Variants in OR11A1 observed in about 807,000 individuals in gnomAD.
OR11A1 encodes the protein olfactory receptor family 11 subfamily A member 1, also known as olfactory receptor 11A1.
For missense variants in OR11A1, 380 were observed against 378.2 expected, an observed-to-expected ratio of 1.00 and a Z score of -0.04; for synonymous variants, 158 against 152.2, an observed-to-expected ratio of 1.04 and a Z score of -0.28.
chr6:29,428,391 T>A (rs182671980), intron 4 of OR11A1: 1 of 984,746 alleles, frequency 1.0e-6, no homozygotes, highest in East Asian at 1.1e-4. Flanking sequence ...GGGCAGAAGG[T>A]GTGGGATCAA....
intron 2 of OR11A1, among the ~76,000 whole-genome samples, 162 bp downstream of exon 2, chr6:29,431,702 C>T (rs920126298): frequency 5.3e-5 from 8 of 152,072 alleles, no homozygotes; most frequent in Non-Finnish European, 8.8e-5. Flanking sequence ...AGAAATACTG[C>T]GGGACTTCTT....
rs116561506 is a variant in OR11A1 at position 29,443,065 on chromosome 6, T to C, written c.-388-11078A>G. Among the ~76,000 whole-genome samples the C allele has an allele frequency of 8.0e-3, 1,217 of 152,362 alleles. 14 individuals are homozygous for C. The highest frequency in any genetic ancestry group is 0.025 in the East Asian group (130 of 5,188). On this transcript the variant is annotated intron_variant, in intron 1 of 4. Coordinates refer to ENST00000377149, the MANE Select transcript of OR11A1 (RefSeq NM_001394828.1). ...GATCATTTTTCTCATATCTCAGTGA[T>C]AGGAATCACTGTATTTTTCCTGTCA...
chr6:29,449,668 G>A (rs1017679888), intron 1 of OR11A1, among the ~76,000 whole-genome samples: 11 of 151,812 alleles, frequency 7.2e-5, no homozygotes, highest in Middle Eastern at 3.2e-3. Context: ...ATGGAGTCTC[G>A]CTCTGACTCC....
chr6:29,440,642 C>T (rs1784073159), intron 1 of OR11A1: 3 of 1,614,154 alleles, frequency 1.9e-6, no homozygotes, highest in Non-Finnish European at 2.5e-6. Flanking sequence ...TCCTCTGCCC[C>T]TTTGGCCTCA....
chr6:29,426,888 A>G lies in OR11A1; in HGVS notation c.754T>C (p.Phe252Leu), dbSNP rs753263709. ...TAAAAGATCATGAGCGTTCCATAGA[A>G]TGTGGTCACTACAGCTAGGTGGGAG... is the stretch of plus-strand genomic sequence containing the variant. The part of the protein sequence containing the change: ...CSSHLAVVTT[F>L]YGTLMIFYVA... Residue 252 changes from phenylalanine to leucine, a missense_variant, in exon 5 of 5, where the codon TTC becomes CTC. Physicochemically the swap from Phe to Leu is conservative, Grantham distance 22 (BLOSUM62 0). Transcript: ENST00000377149. 1.2e-6 allele frequency: 2 copies of G among 1,613,060 alleles called. No homozygotes were observed. Among genetic ancestry groups the G allele is most frequent in the South Asian group, 2.2e-5 (2 of 91,082 alleles).
intron 1 of OR11A1, among the ~76,000 whole-genome samples, chr6:29,436,964 T>G (rs573337331): frequency 3.9e-4 from 59 of 152,350 alleles, no homozygotes; most frequent in African/African-American, 1.4e-3. Context: ...AGCGGCTGCT[T>G]TCGAAAAGCG....
chr6:29,441,427 G>A (rs1398404361), intron 1 of OR11A1, among the ~76,000 whole-genome samples: 1 of 152,084 alleles, frequency 6.6e-6, no homozygotes, highest in African/African-American at 2.4e-5. Flanking sequence ...AAGAAGTAAG[G>A]AGTGGCCACA....
Position 29,426,840 on chromosome 6 carries a change from A to T in OR11A1, c.802T>A (p.Ser268Thr). 1 of 1,613,144 alleles carries T rather than the reference A, an allele frequency of 6.2e-7. No individual in the cohort carries two copies. The highest frequency in any genetic ancestry group is 8.5e-7 in the Non-Finnish European group (1 of 1,180,030). ...IFYVAPSAVH[S>T]QLLSKVFSLL... is the part of the protein sequence containing the mutation. ...GAGAAGACCTTGGAGAGGAGCTGGG[A>T]ATGGACAGCAGAGGGTGCAACATAA... The change falls in exon 5 of 5, where the codon TCC (serine) becomes ACC (threonine). Residue 268 changes from serine to threonine, a missense_variant. Transcript: ENST00000377149.
At position 29,431,873 on chromosome 6, in the gene OR11A1, C is replaced by A; in HGVS notation, c.-274G>T. ...ACAAAAATAAACGTACCCGAAATAT[C>A]GACCCTGTTCTCTAAAGACAGGACT... On this transcript the variant is annotated 5_prime_UTR_variant, in exon 2 of 5. Coordinates refer to ENST00000377149, the MANE Select transcript of OR11A1 (RefSeq NM_001394828.1). The A allele has an allele frequency of 1.0e-6, 1 of 985,346 alleles. No homozygotes were observed. The highest frequency in any genetic ancestry group is 4.7e-5 in the South Asian group (1 of 21,266). The allele number at this position is 985,346 out of a possible 1,614,324, so 61.0% of individuals were successfully genotyped here.
rs1374411804 is a variant in OR11A1 at position 29,448,435 on chromosome 6, G to A, written c.-389+8552C>T. ...CTCCAGTTCCTCTTGGATAATTCTG[G>A]TGTCCATGAATTATTATGTTGCCAC... On this transcript the variant is annotated intron_variant, in intron 1 of 4. Coordinates refer to ENST00000377149, the MANE Select transcript of OR11A1 (RefSeq NM_001394828.1). 1.3e-5 allele frequency among the ~76,000 whole-genome samples: 2 copies of A among 152,146 alleles called. 1 individual carries two copies. The highest frequency in any genetic ancestry group is 4.1e-4 in the South Asian group (2 of 4,828).
intron 1 of OR11A1, chr6:29,440,540 GTTC>G: frequency 2.5e-6 from 4 of 1,613,806 alleles, no homozygotes; most frequent in South Asian, 1.1e-5. Flanking sequence ...CCATCCCGCA[GTTC>G]TTCTGTGAGA....
Position 29,430,283 on chromosome 6 carries a change from C to G in OR11A1, c.-140+18G>C, listed in dbSNP as rs1561775242. On this transcript the variant is annotated intron_variant, in intron 3 of 4. Transcript: ENST00000377149. Reference sequence around the variant, plus strand: ...TGTTATTGCCCTCCAACTCCCGTCTCTAAAGCTATTCTCTTACCCTTTGAT... The same window carrying G: ...TGTTATTGCCCTCCAACTCCCGTCTGTAAAGCTATTCTCTTACCCTTTGAT... 1.0e-6 allele frequency: 1 copy of G among 985,444 alleles called. No homozygotes were observed. The highest frequency in any genetic ancestry group is 1.2e-6 in the Non-Finnish European group (1 of 829,926). 61.0% of individuals were successfully genotyped at this position (985,444 alleles called of 1,614,324 possible).
chr6:29,447,510 T>C (rs1391952995), intron 1 of OR11A1, among the ~76,000 whole-genome samples: 1 of 152,212 alleles, frequency 6.6e-6, no homozygotes, highest in Non-Finnish European at 1.5e-5. Flanking sequence ...TTTGAACGAG[T>C]GGTAGAAGAC....
At chr6:29,447,341 A>C (rs1309015532) in intron 1 of OR11A1, among the ~76,000 whole-genome samples, 2 of 152,224 alleles carry the variant, frequency 1.3e-5, no homozygotes. Context: ...TCATTTTTGC[A>C]ATGGACCACA....
intron 1 of OR11A1, among the ~76,000 whole-genome samples, chr6:29,439,149 T>C (rs1004664617): frequency 2.0e-5 from 3 of 152,270 alleles, no homozygotes; most frequent in Non-Finnish European, 2.9e-5. Flanking sequence ...TTTGCAACTT[T>C]AGATAAATCT....
rs1782798415 is a variant in OR11A1, at chr6:29,426,385, G to A, written c.*309C>T. The A allele has an allele frequency of 3.4e-6, 1 of 290,416 alleles. No individual in the cohort carries two copies. Among genetic ancestry groups the A allele is most frequent in the Non-Finnish European group, 6.4e-6 (1 of 155,460 alleles). 18.0% of individuals were successfully genotyped at this position (290,416 alleles called of 1,614,324 possible). On this transcript the variant is annotated 3_prime_UTR_variant, in exon 5 of 5. Transcript: ENST00000377149. ...ACACTGAATCCTACTTGAGGGTGGA[G>A]GTTGGGAGGAGGGAGAAGATCAGGA...
intron 1 of OR11A1, among the ~76,000 whole-genome samples, chr6:29,445,750 G>T (rs58855769): frequency 0.039 from 5,939 of 152,258 alleles, 271 homozygotes; most frequent in African/African-American, 0.11. Context: ...CTCAGGAAGA[G>T]ACACTGAACA....
At chr6:29,454,348 G>A (rs1374295397) in intron 1 of OR11A1, among the ~76,000 whole-genome samples, 3 of 151,868 alleles carry the variant, frequency 2.0e-5, no homozygotes, top group African/African-American at 7.3e-5. Flanking sequence ...AATCAGCTGG[G>A]GCCCAGATGG....
chr6:29,441,066 A>G (rs1373317981), intron 1 of OR11A1: 2 of 694,426 alleles, frequency 2.9e-6, no homozygotes, highest in South Asian at 3.9e-5. Flanking sequence ...CCAGCCTGTC[A>G]GAAAGACAAA....
Sources: allele counts gnomAD v4.1 joint callset (sites outside exome capture counted in the v4.1 genomes callset), GRCh38; gene constraint gnomAD v4.1.1; transcripts MANE v1.5; gene names NCBI Gene and HGNC (gene_info 2026-07-23, HGNC 2026-07-21).